Variants in LMO7 observed in about 807,000 individuals in gnomAD.
The protein encoded by LMO7 is LIM domain only protein 7.
A neutral mutation model predicts 206.5 loss-of-function variants in LMO7; 120 were observed. That is an observed-to-expected ratio of 0.58 (90% CI 0.50 to 0.68). The LOEUF (loss-of-function observed/expected upper bound fraction) is 0.68, where lower values mean the gene tolerates loss of function less well. Ranked by LOEUF, LMO7 falls within the 30% of genes least tolerant of loss-of-function variation. The pLI, the probability that LMO7 is intolerant of heterozygous loss-of-function variation, is 0.00. For missense variants in LMO7, 1,959 were observed against 1,957.9 expected (o/e 1.00, Z -0.01); for synonymous variants, 706 against 681.5 (o/e 1.04, Z -0.56).
intron 3 of LMO7, among the ~76,000 whole-genome samples, chr13:75,737,423 A>G (rs1045704854): frequency 6.6e-6 from 1 of 151,894 alleles, no homozygotes; most frequent in Non-Finnish European, 1.5e-5. Flanking sequence ...AAATTAATAC[A>G]GATAGGTACA....
At chr13:75,780,792 A>G (rs1333410108) in intron 4 of LMO7, among the ~76,000 whole-genome samples, 1 of 152,196 alleles carries the variant, frequency 6.6e-6, no homozygotes, top group Admixed American at 6.5e-5. Flanking sequence ...GGAACTAATA[A>G]ATGTCTATGA....
At chr13:75,832,964 G>T (rs551852677) in intron 15 of LMO7, 87 bp from the exon 16 acceptor site, 3 of 723,114 alleles carry the variant, frequency 4.1e-6, no homozygotes, top group Admixed American at 2.0e-5. Context: ...TCTACCTAGC[G>T]TGCAGTCTCC....
At chr13:75,757,838 G>A (rs1348711047) in intron 3 of LMO7, among the ~76,000 whole-genome samples, 2 of 110,600 alleles carry the variant, frequency 1.8e-5, no homozygotes, top group Non-Finnish European at 4.0e-5. Flanking sequence ...GTGTGTGTGT[G>A]TGTATGTTGG....
At chr13:75,666,791 C>G (rs1285218464) in intron 1 of LMO7, among the ~76,000 whole-genome samples, 2 of 152,194 alleles carry the variant, frequency 1.3e-5, no homozygotes, top group Non-Finnish European at 2.9e-5. Flanking sequence ...TTTGCAAGAG[C>G]ATGAGCTAAT....
intron 1 of LMO7, among the ~76,000 whole-genome samples, chr13:75,655,709 TA>T (rs1409622820): frequency 2.7e-5 from 4 of 149,584 alleles, no homozygotes; most frequent in East Asian, 2.0e-4. Flanking sequence ...AAAAGGTCTT[TA>T]AAAAAATATT....
chr13:75,768,353 A>G (rs539001391), intron 4 of LMO7, among the ~76,000 whole-genome samples: 1 of 152,198 alleles, frequency 6.6e-6, no homozygotes, highest in African/African-American at 2.4e-5. Context: ...TTTATGGTTA[A>G]TCAAATTGTT....
intron 1 of LMO7, among the ~76,000 whole-genome samples, chr13:75,638,930 C>T (rs1462295387): frequency 1.3e-5 from 2 of 152,016 alleles, no homozygotes; most frequent in African/African-American, 2.4e-5. Context: ...ACATTTTGCC[C>T]TATTCCTTTA....
At chr13:75,818,655 T>C (rs965558597) in intron 12 of LMO7, among the ~76,000 whole-genome samples, 1 of 152,170 alleles carries the variant, frequency 6.6e-6, no homozygotes, top group Non-Finnish European at 1.5e-5. Context: ...TCCTGCCACG[T>C]GTTCCTTATT....
At chr13:75,853,494 C>T (rs2060657754) in intron 28 of LMO7, 106 bp downstream of exon 28, 4 of 1,056,242 alleles carry the variant, frequency 3.8e-6, no homozygotes. Context: ...AAAAAGAAGC[C>T]CTTTTGAATG....
intron 1 of LMO7, among the ~76,000 whole-genome samples, chr13:75,646,869 G>A (rs1393902036): frequency 6.6e-6 from 1 of 152,156 alleles, no homozygotes; most frequent in Non-Finnish European, 1.5e-5. Context: ...ACAGGTGTGA[G>A]CCACCATGCC....
At chr13:75,829,612 C>T (rs542532560) in intron 15 of LMO7, among the ~76,000 whole-genome samples, 3 of 152,244 alleles carry the variant, frequency 2.0e-5, no homozygotes, top group African/African-American at 7.2e-5. Flanking sequence ...TTAACTTTAA[C>T]AACTAAGTAG....
In LMO7 at chr13:75,786,670, C is replaced by T. The variant is rs796666356; in HGVS notation, c.318-8731C>T. Among the ~76,000 whole-genome samples, 4 of 152,150 alleles carry T rather than the reference C, an allele frequency of 2.6e-5. No individual in the cohort carries two copies. In the South Asian group the frequency reaches 8.3e-4, roughly 31 times the overall value. On this transcript the variant is annotated intron_variant, in intron 4 of 30. Transcript: ENST00000377534. The stretch of plus-strand genomic sequence containing the variant: ...AAAGTGCTTGGATTACAGGCGTGAG[C>T]CACCGCGCCCGGCCTCTCTCTACTT...
At chr13:75,710,698 G>A (rs2043031059) in intron 1 of LMO7, among the ~76,000 whole-genome samples, 2 of 151,950 alleles carry the variant, frequency 1.3e-5, no homozygotes, top group African/African-American at 4.8e-5. Flanking sequence ...GAGATTTTGG[G>A]CTGAGATGAT....
chr13:75,806,325 C>T, intron 9 of LMO7: 2 of 833,888 alleles, frequency 2.4e-6, no homozygotes, highest in Non-Finnish European at 2.9e-6. Flanking sequence ...CTGCCTGCTT[C>T]TGCTGCTCCA....
At chr13:75,654,500 C>T (rs1594084267) in intron 1 of LMO7, among the ~76,000 whole-genome samples, 2 of 152,122 alleles carry the variant, frequency 1.3e-5, no homozygotes, top group African/African-American at 4.8e-5. Flanking sequence ...GTTGCAGCCT[C>T]CCTTGGCACA....
chr13:75,792,000 C>G (rs1281018046), intron 4 of LMO7, among the ~76,000 whole-genome samples: 1 of 152,060 alleles, frequency 6.6e-6, no homozygotes, highest in Non-Finnish European at 1.5e-5. Context: ...GAGGGTCTCG[C>G]TTTGTCACCC....
intron 1 of LMO7, among the ~76,000 whole-genome samples, chr13:75,663,432 C>CTTTCTTTTTTTTTTTTT (rs1555289857): frequency 9.0e-6 from 1 of 111,408 alleles, no homozygotes; most frequent in African/African-American, 3.8e-5. Flanking sequence ...TTCTTTCTTT[C>CTTTCTTTTTTTTTTTTT]TTTTTTTTTT....
At chr13:75,798,751 G>A (rs1213387174) in intron 6 of LMO7, among the ~76,000 whole-genome samples, 1 of 152,192 alleles carries the variant, frequency 6.6e-6, no homozygotes, top group Non-Finnish European at 1.5e-5. Context: ...GGAAGTTGTA[G>A]CACCTCAGTC....
At chr13:75,677,807 A>T (rs2040144844) in intron 1 of LMO7, among the ~76,000 whole-genome samples, 1 of 82,394 alleles carries the variant, frequency 1.2e-5, no homozygotes, top group South Asian at 4.7e-4. Flanking sequence ...CCCACCCCAC[A>T]ACAGTCCCCG....
Sources: gnomAD v4.1 joint callset for allele counts (sites outside exome capture counted in the v4.1 genomes callset) on GRCh38, gnomAD v4.1.1 for gene constraint, MANE v1.5 for transcripts, NCBI Gene and HGNC (gene_info 2026-07-23, HGNC 2026-07-21) for gene names.